The following FUS variants were observed in gnomAD, a reference collection of about 807,000 sequenced individuals.
The protein encoded by FUS is FUS RNA binding protein.
FUS carries 5 observed loss-of-function variants against 82.7 expected under a neutral mutation model. The observed-to-expected ratio is 0.06, with a 90% CI of 0.03 to 0.13. FUS has a LOEUF of 0.13. FUS is among the 10% of genes least tolerant of loss of function. The pLI, the probability that FUS is intolerant of heterozygous loss-of-function variation, is 1.00. For missense variants in FUS, 512 were observed against 707.8 expected, an observed-to-expected ratio of 0.72 and a Z score of 3.14; for synonymous variants, 281 against 247.4, an observed-to-expected ratio of 1.14 and a Z score of -1.27.
chr16:31,193,512 CCT>C (rs1491368666), downstream of FUS: 1 of 529,540 alleles, frequency 1.9e-6, no homozygotes, highest in Admixed American at 2.2e-5. Flanking sequence ...CTGATGCCCT[CCT>C]GTTAGGAGTG....
chr16:31,190,315 T>C lies in FUS; in HGVS notation c.1209T>C (p.Gly403=), dbSNP rs756149847. 6.2e-7 allele frequency: 1 copy of C among 1,613,950 alleles called. No homozygotes were observed. Among genetic ancestry groups the C allele is most frequent in the South Asian group, 1.1e-5 (1 of 91,054 alleles). ...GAGGCTATGGAGGTGGTGGCAGTGG[T>C]GGTGGTGGCCGAGGAGGATTTCCCA... ...GRGGYGGGGS[G]GGGRGGFPSG... Residue 403 remains glycine, a synonymous_variant, in exon 12 of 15, where the codon GGT becomes GGC. Coordinates refer to ENST00000254108, the MANE Select transcript of FUS (RefSeq NM_004960.4).
intron 7 of FUS, 190 bp from the exon 8 acceptor site, chr16:31,188,135 C>T (rs111719937): frequency 6.4e-6 from 4 of 624,068 alleles, no homozygotes; most frequent in African/African-American, 1.8e-5. Flanking sequence ...AGGGGCCTGC[C>T]TAGAATTTTC....
At chr16:31,190,431 T>C in intron 12 of FUS, 33 bp downstream of exon 12, 1 of 1,613,966 alleles carries the variant, frequency 6.2e-7, no homozygotes, top group Non-Finnish European at 8.5e-7. Context: ...CTTAGTTCTC[T>C]TGCATGCGTG....
intron 9 of FUS, 34 bp from the exon 10 acceptor site, chr16:31,189,631 T>G (rs757864142): frequency 4.3e-6 from 7 of 1,614,032 alleles, no homozygotes; most frequent in South Asian, 1.1e-5. Context: ...CTGTAGCCTT[T>G]AAAATTGATG....
intron 7 of FUS, chr16:31,187,793 T>C (rs1429306615): frequency 1.7e-5 from 4 of 240,308 alleles, no homozygotes; most frequent in African/African-American, 4.4e-5. Context: ...ATAGCTATTA[T>C]GTATGGTTTT....
chr16:31,190,270 A>G lies in FUS; in HGVS notation c.1169-5A>G, dbSNP rs1555509473. ...GCAGACCCATACTTGGTCTATCTGC[A>G]TTAGGACCCATGGGCCGTGGAGGCT... On this transcript the variant is annotated splice_region_variant and splice_polypyrimidine_tract_variant and intron_variant, in intron 11 of 14. Coordinates refer to ENST00000254108, the MANE Select transcript of FUS (RefSeq NM_004960.4). The G allele has an allele frequency of 6.2e-7, 1 of 1,614,116 alleles. No homozygotes were observed. Among genetic ancestry groups the G allele is most frequent in the Non-Finnish European group, 8.5e-7 (1 of 1,180,026 alleles).
intron 12 of FUS, 80 bp from the exon 13 acceptor site, chr16:31,190,662 A>C (rs1015544668): frequency 6.3e-5 from 87 of 1,371,336 alleles, no homozygotes; most frequent in Non-Finnish European, 8.4e-5. Flanking sequence ...TGTATCTCTA[A>C]AGTCACCGTA....
chr16:31,184,882 G>T (rs572033732), intron 5 of FUS, 57 bp from the exon 6 acceptor site: 1 of 1,574,374 alleles, frequency 6.4e-7, no homozygotes, highest in Admixed American at 1.7e-5. Context: ...AAACCTTTTA[G>T]TGCTACTTTA....
At chr16:31,184,427 A>G in intron 5 of FUS, 31 bp downstream of exon 5, 2 of 1,518,786 alleles carry the variant, frequency 1.3e-6, no homozygotes, top group Non-Finnish European at 9.0e-7. Context: ...TCTGCAGCCC[A>G]TTTTCTTTTT....
chr16:31,193,148 G>A (rs1196861233), downstream of FUS: 1 of 486,062 alleles, frequency 2.1e-6, no homozygotes, highest in South Asian at 1.5e-5. Context: ...CTCCATGTTG[G>A]TCAGGCTGGT....
chr16:31,188,247 G>C (rs934751934), intron 7 of FUS, 78 bp from the exon 8 acceptor site: 2 of 1,501,112 alleles, frequency 1.3e-6, no homozygotes, highest in East Asian at 2.3e-5. Flanking sequence ...TTCCTTGTCC[G>C]TTTTTTCCTG....
intron 4 of FUS, 60 bp from the exon 5 acceptor site, chr16:31,184,149 T>C (rs2079223355): frequency 1.2e-6 from 2 of 1,613,884 alleles, no homozygotes; most frequent in Admixed American, 3.3e-5. Context: ...CCACTAAAAG[T>C]GAAAGGAAAT....
chr16:31,193,752 C>G (rs768611402), downstream of FUS: 46 of 531,562 alleles, frequency 8.7e-5, no homozygotes, highest in Non-Finnish European at 1.6e-4. Flanking sequence ...CCCACCTCAG[C>G]CTCCCAAGTA....
At chr16:31,191,665 A>C, downstream of FUS, 1 of 699,530 alleles carries the variant, frequency 1.4e-6, no homozygotes, top group Non-Finnish European at 2.6e-6. Flanking sequence ...TCAGGAAGGT[A>C]GAGAGTTTTC....
rs1246047902 is a variant in FUS at position 31,190,967 on chromosome 16, T to A, written c.1398T>A (p.Gly466=). Residue 466 remains glycine, a synonymous_variant, in exon 14 of 15, where the codon GGT becomes GGA. Coordinates refer to ENST00000254108, the MANE Select transcript of FUS (RefSeq NM_004960.4). The part of the protein sequence containing the change: ...GGGPGGSHMG[G]NYGDDRRGGR... ...ATCTTGTTTCTTTTGTCCTAGGGGG[T>A]AACTACGGGGATGATCGTCGTGGTG... 1 of 1,611,828 alleles carries A rather than the reference T, an allele frequency of 6.2e-7. No individual in the cohort carries two copies. The highest frequency in any genetic ancestry group is 8.5e-7 in the Non-Finnish European group (1 of 1,178,712).
In FUS at chr16:31,182,403, A is replaced by G. The variant is rs753775282; in HGVS notation, c.19A>G (p.Thr7Ala). The G allele has an allele frequency of 6.2e-7, 1 of 1,614,206 alleles. No individual in the cohort carries two copies. The highest frequency in any genetic ancestry group is 8.5e-7 in the Non-Finnish European group (1 of 1,180,016). Reference protein sequence around the residue: MASNDYTQQATQSYGAY... With the variant: MASNDYAQQATQSYGAY... ...ATTGTATTTTTCTTTTGCAGATTAT[A>G]CCCAACAAGCAACCCAAAGGTGAGT... Residue 7 changes from threonine (T) to alanine (A), a missense_variant, in exon 2 of 15, where the codon ACC becomes GCC. By Grantham distance (58) the Thr-to-Ala change is moderately conservative. Transcript: ENST00000254108.
intron 8 of FUS, 102 bp downstream of exon 8, chr16:31,188,459 G>A: frequency 8.1e-7 from 1 of 1,236,648 alleles, no homozygotes; most frequent in South Asian, 1.2e-5. Context: ...AAAAAAATGG[G>A]GATAGAGAAG....
chr16:31,186,824 A>G lies in FUS; in HGVS notation c.787A>G (p.Asn263Asp). 1 of 1,614,150 alleles carries G rather than the reference A, an allele frequency of 6.2e-7. No individual in the cohort carries two copies. The highest frequency in any genetic ancestry group is 8.5e-7 in the Non-Finnish European group (1 of 1,179,954). The stretch of plus-strand genomic sequence containing the variant: ...CAGCGGAAGTGACCGTGGTGGCTTC[A>G]ATAAATTTGGTGGTAAGTGAACAGA... Reference protein sequence around the residue: ...GMGGSDRGGFNKFGGPRDQGS... With the variant: ...GMGGSDRGGFDKFGGPRDQGS... Residue 263 changes from asparagine to aspartate, a missense_variant, in exon 7 of 15, where the codon AAT (asparagine) becomes GAT (aspartate). This residue lies in a region of FUS where 51 missense variants were observed against 72.2 expected (regional missense o/e 0.71). Coordinates refer to ENST00000254108, the MANE Select transcript of FUS (RefSeq NM_004960.4).
downstream of FUS, chr16:31,193,425 G>A (rs1375437984): frequency 7.6e-6 from 4 of 527,482 alleles, no homozygotes; most frequent in African/African-American, 1.9e-5. Context: ...AGTTGAAATG[G>A]CCTGATACGA....
Sources: allele counts gnomAD v4.1 joint callset, GRCh38; gene constraint gnomAD v4.1.1; regional missense constraint gnomAD v4.1.1; transcripts MANE v1.5; gene names NCBI Gene and HGNC (gene_info 2026-07-23, HGNC 2026-07-21).